Variants in CD86 observed in about 807,000 individuals in gnomAD.
The protein encoded by CD86 is CD86 molecule.
In CD86, 11 loss-of-function variants were observed where a neutral mutation model predicts 32.1. The observed-to-expected ratio is 0.34, with a 90% CI of 0.22 to 0.57. The LOEUF (loss-of-function observed/expected upper bound fraction) is 0.57, where lower values mean the gene tolerates loss of function less well. CD86 is among the 20% of genes least tolerant of loss of function. The pLI is 0.86. For missense variants in CD86, 359 were observed against 398.4 expected (o/e 0.90, Z 0.84); for synonymous variants, 137 against 135.3 (o/e 1.01, Z -0.09).
At chr3:122,119,029 C>T (rs962019728) in intron 6 of CD86, among the ~76,000 whole-genome samples, 3 of 152,200 alleles carry the variant, frequency 2.0e-5, no homozygotes, top group African/African-American at 7.2e-5. Flanking sequence ...GGTGCAGAGA[C>T]AACCGAGAGT....
At chr3:122,073,091 T>C (rs1311360837) in intron 1 of CD86, among the ~76,000 whole-genome samples, 2 of 149,922 alleles carry the variant, frequency 1.3e-5, no homozygotes, top group Non-Finnish European at 3.0e-5. Context: ...TCTACTAGAA[T>C]GGGTAAAATC....
chr3:122,101,258 T>C (rs1239467579), intron 2 of CD86, among the ~76,000 whole-genome samples: 4 of 151,894 alleles, frequency 2.6e-5, no homozygotes, highest in Non-Finnish European at 5.9e-5. Context: ...AGGTTCTGAA[T>C]CAGTAAGTCT....
intron 5 of CD86, among the ~76,000 whole-genome samples, chr3:122,114,533 G>T (rs979309583): frequency 2.0e-5 from 3 of 152,112 alleles, no homozygotes; most frequent in Admixed American, 2.0e-4. Flanking sequence ...CCCTCTGAAG[G>T]CAGGGGAGCC....
At chr3:122,096,277 C>T (rs2072906201) in intron 2 of CD86, among the ~76,000 whole-genome samples, 2 of 152,132 alleles carry the variant, frequency 1.3e-5, no homozygotes, top group African/African-American at 4.8e-5. Context: ...CGGGGTCTCG[C>T]TTTGTGCCCA....
intron 1 of CD86, among the ~76,000 whole-genome samples, chr3:122,065,575 T>C (rs2072401243): frequency 6.6e-6 from 1 of 152,218 alleles, no homozygotes; most frequent in South Asian, 2.1e-4. Flanking sequence ...TCCAATGGTG[T>C]ATAAGCTCTC....
At chr3:122,075,398 A>G (rs2072542333) in intron 1 of CD86, among the ~76,000 whole-genome samples, 1 of 152,242 alleles carries the variant, frequency 6.6e-6, no homozygotes, top group African/African-American at 2.4e-5. Flanking sequence ...GTTTATATAA[A>G]AGGATAAAAT....
intron 5 of CD86, 61 bp from the exon 6 acceptor site, chr3:122,117,987 T>C (rs2073279930): frequency 4.8e-6 from 7 of 1,444,910 alleles, no homozygotes; most frequent in Non-Finnish European, 6.8e-6. Context: ...CTTTTCAAAC[T>C]TTCCTTCTTT....
chr3:122,108,041 A>G (rs1285084870), intron 4 of CD86, among the ~76,000 whole-genome samples: 3 of 152,218 alleles, frequency 2.0e-5, no homozygotes, highest in Admixed American at 6.5e-5. Context: ...GCCATATATG[A>G]CATGCCCCAG....
intron 1 of CD86, among the ~76,000 whole-genome samples, chr3:122,086,267 C>A (rs145193734): frequency 6.6e-6 from 1 of 151,992 alleles, no homozygotes; most frequent in African/African-American, 2.4e-5. Flanking sequence ...CCTGATACTC[C>A]GGTTACCACT....
At chr3:122,083,386 C>T (rs1004407519) in intron 1 of CD86, among the ~76,000 whole-genome samples, 8 of 152,192 alleles carry the variant, frequency 5.3e-5, no homozygotes, top group Non-Finnish European at 1.2e-4. Flanking sequence ...GGGACCTCCT[C>T]GTACCTTCTC....
At chr3:122,094,391 A>C (rs1229459026) in intron 2 of CD86, among the ~76,000 whole-genome samples, 2 of 152,240 alleles carry the variant, frequency 1.3e-5, no homozygotes, top group Non-Finnish European at 2.9e-5. Context: ...TAACCGTTTA[A>C]GTTTTATGGT....
At chr3:122,109,567 C>T (rs928555668) in intron 5 of CD86, among the ~76,000 whole-genome samples, 159 bp downstream of exon 5, 2 of 152,226 alleles carry the variant, frequency 1.3e-5, no homozygotes, top group Admixed American at 6.5e-5. Context: ...CCTATACAGA[C>T]TGGCAGTAGC....
At chr3:122,061,936 A>G (rs2072342394) in intron 1 of CD86, among the ~76,000 whole-genome samples, 1 of 152,216 alleles carries the variant, frequency 6.6e-6, no homozygotes. Flanking sequence ...AAACTGGGGA[A>G]AAAAGTCCCT....
chr3:122,112,575 A>C (rs2073192026), intron 5 of CD86, among the ~76,000 whole-genome samples: 1 of 152,200 alleles, frequency 6.6e-6, no homozygotes, highest in African/African-American at 2.4e-5. Flanking sequence ...ACCAACATTT[A>C]AACAGAAATA....
chr3:122,105,705 C>T (rs985717116), intron 3 of CD86, among the ~76,000 whole-genome samples: 2 of 152,158 alleles, frequency 1.3e-5, no homozygotes, highest in Non-Finnish European at 2.9e-5. Flanking sequence ...TCCACCCACT[C>T]ACTTACCACA....
chr3:122,060,123 A>G (rs2681404), intron 1 of CD86, among the ~76,000 whole-genome samples: 22,204 of 152,230 alleles, frequency 0.15, 1,825 homozygotes, highest in African/African-American at 0.22. Flanking sequence ...GAAGCTGTGA[A>G]TAAGTGCATC....
chr3:122,107,496 C>T (rs1345573323), intron 4 of CD86, among the ~76,000 whole-genome samples: 1 of 152,150 alleles, frequency 6.6e-6, no homozygotes, highest in Non-Finnish European at 1.5e-5. Flanking sequence ...ATTTTAAAGT[C>T]CTGGCTTTAC....
chr3:122,060,167 A>G (rs535339385), intron 1 of CD86, among the ~76,000 whole-genome samples: 29 of 152,298 alleles, frequency 1.9e-4, no homozygotes, highest in African/African-American at 6.3e-4. Context: ...ACAGGATTAC[A>G]TCACTTAAAT....
chr3:122,106,137 A>T, intron 3 of CD86, 61 bp from the exon 4 acceptor site: 6 of 1,087,944 alleles, frequency 5.5e-6, no homozygotes, highest in Non-Finnish European at 5.2e-6. Flanking sequence ...GTTATTTGCT[A>T]TTCCCTCCTA....
Sources: gnomAD v4.1 joint callset for allele counts (sites outside exome capture counted in the v4.1 genomes callset) on GRCh38, gnomAD v4.1.1 for gene constraint, MANE v1.5 for transcripts, NCBI Gene and HGNC (gene_info 2026-07-23, HGNC 2026-07-21) for gene names.